Variants in RAB11FIP2 observed in about 807,000 individuals in gnomAD.
RAB11FIP2 encodes rab11 family-interacting protein 2.
In RAB11FIP2, 16 loss-of-function variants were observed where a neutral mutation model predicts 40.9. The observed-to-expected ratio is 0.39, with a 90% CI of 0.26 to 0.59. The LOEUF (loss-of-function observed/expected upper bound fraction) is 0.59. Among genes scored for constraint, RAB11FIP2 ranks in the 20% least tolerant of loss-of-function variants. The pLI is 0.53. For synonymous variants in RAB11FIP2, 228 were observed against 213.7 expected, an observed-to-expected ratio of 1.07 and a Z score of -0.58; for missense variants, 532 against 606.2, an observed-to-expected ratio of 0.88 and a Z score of 1.28.
chr10:118,005,193 A>C lies in RAB11FIP2; in HGVS notation c.*3805T>G, dbSNP rs374423591. ...GCAGCATTTTTTTGTACCTCAAAAC[A>C]CAAACCATCTGGAAGCTTCGAAGAC... On this transcript the variant is annotated 3_prime_UTR_variant, in exon 5 of 5. Transcript: ENST00000355624. The C allele has an allele frequency of 6.5e-6, 1 of 152,678 alleles. No homozygotes were observed. The highest frequency in any genetic ancestry group is 2.4e-5 in the African/African-American group (1 of 41,470). The allele number at this position is 152,678 out of a possible 1,614,324, so 9.5% of individuals were successfully genotyped here.
intron 4 of RAB11FIP2, among the ~76,000 whole-genome samples, chr10:118,013,283 T>C (rs1846178358): frequency 1.3e-5 from 2 of 152,038 alleles, no homozygotes; most frequent in Non-Finnish European, 2.9e-5. Context: ...TGAGGAACTT[T>C]GCTCTGGGAA....
In RAB11FIP2 at chr10:118,040,201, T is replaced by C; in HGVS notation, c.718A>G (p.Lys240Glu). ...DLSGSHMSSEKLKAGTIGQTH... is the reference protein window; with the variant it reads ...DLSGSHMSSEELKAGTIGQTH... ...TGACCTATGGTGCCAGCCTTCAGTT[T>C]CTCAGAAGACATATGGGACCCAGAT... is the stretch of plus-strand genomic sequence containing the variant. The change falls in exon 2 of 5, where the codon AAA becomes GAA. Residue 240 changes from lysine (K) to glutamate (E), a missense_variant. By Grantham distance (56) the Lys-to-Glu change is moderately conservative. Coordinates refer to ENST00000355624, the MANE Select transcript of RAB11FIP2 (RefSeq NM_014904.3). 1 of 1,613,860 alleles carries C rather than the reference T, an allele frequency of 6.2e-7. No individual in the cohort carries two copies. Among genetic ancestry groups the C allele is most frequent in the South Asian group, 1.1e-5 (1 of 91,078 alleles).
At chr10:118,032,482 C>T (rs1715540653) in intron 3 of RAB11FIP2, among the ~76,000 whole-genome samples, 1 of 152,070 alleles carries the variant, frequency 6.6e-6, no homozygotes, top group African/African-American at 2.4e-5. Flanking sequence ...TTTAGCCAAG[C>T]TAACTTCCTT....
Position 118,009,243 on chromosome 10 carries a change from CTG to C in RAB11FIP2, c.1312-20_1312-19del. On this transcript the variant is annotated intron_variant, in intron 4 of 4. Coordinates refer to ENST00000355624, the MANE Select transcript of RAB11FIP2 (RefSeq NM_014904.3). The stretch of plus-strand genomic sequence containing the variant: ...TTGCTGTCCTAGAACAGGATAAAGA[CTG>C]TCACTTTCATAGATATAACATCTGG... The C allele has an allele frequency of 6.3e-7, 1 of 1,577,970 alleles. No individual in the cohort carries two copies.
rs1846658020 is a variant in RAB11FIP2, at chr10:118,046,937, A to G, written c.-774T>C. The G allele has an allele frequency of 6.5e-6, 1 of 153,076 alleles. No individual in the cohort carries two copies. The highest frequency in any genetic ancestry group is 1.5e-5 in the Non-Finnish European group (1 of 68,546). The allele number at this position is 153,076 out of a possible 1,614,324, so 9.5% of individuals were successfully genotyped here. On this transcript the variant is annotated 5_prime_UTR_variant, in exon 1 of 5. Coordinates refer to ENST00000355624, the MANE Select transcript of RAB11FIP2 (RefSeq NM_014904.3). ...TGGCCTTCTCCATGTTGGTCTCGGG[A>G]ACGTGAAGGGGCGGGGCCTCGAGGT...
At chr10:118,012,647 A>T (rs926556666) in intron 4 of RAB11FIP2, among the ~76,000 whole-genome samples, 2 of 151,964 alleles carry the variant, frequency 1.3e-5, no homozygotes, top group African/African-American at 4.8e-5. Context: ...TAGAGAGGAA[A>T]ACTCTCAGGT....
chr10:118,031,297 C>T (rs1486693520), intron 3 of RAB11FIP2, among the ~76,000 whole-genome samples: 1 of 152,032 alleles, frequency 6.6e-6, no homozygotes, highest in Non-Finnish European at 1.5e-5. Context: ...TAAAAACTAT[C>T]AATAGGCTCT....
At chr10:118,024,191 A>C (rs1198357782) in intron 3 of RAB11FIP2, among the ~76,000 whole-genome samples, 1 of 152,044 alleles carries the variant, frequency 6.6e-6, no homozygotes. Context: ...AAAGTTCTCC[A>C]TTCCTTTAAA....
rs1017798378 is a variant in RAB11FIP2 at position 118,011,394 on chromosome 10, C to T, written c.1312-2169G>A. ...TTTTATAAGTCTACACACATGCGCA[C>T]ACACACACACACACTCTCATGCACG... is the stretch of plus-strand genomic sequence containing the variant. On this transcript the variant is annotated intron_variant, in intron 4 of 4. Transcript: ENST00000355624. Among the ~76,000 whole-genome samples the T allele has an allele frequency of 3.3e-5, 5 of 151,442 alleles. No homozygotes were observed. In the East Asian group the frequency reaches 9.7e-4, roughly 29 times the overall value.
intron 3 of RAB11FIP2, among the ~76,000 whole-genome samples, chr10:118,020,263 T>C (rs1034120678): frequency 5.9e-5 from 9 of 152,230 alleles, no homozygotes; most frequent in African/African-American, 1.7e-4. Flanking sequence ...TCAGTTCTAC[T>C]GTGAGCTCAC....
At chr10:118,032,592 T>C (rs1014840019) in intron 3 of RAB11FIP2, among the ~76,000 whole-genome samples, 1 of 152,120 alleles carries the variant, frequency 6.6e-6, no homozygotes, top group African/African-American at 2.4e-5. Context: ...CTGATCTCCA[T>C]TCACAGTGAA....
At chr10:118,035,601 G>C (rs1273216166) in intron 3 of RAB11FIP2, among the ~76,000 whole-genome samples, 2 of 152,120 alleles carry the variant, frequency 1.3e-5, no homozygotes, top group Admixed American at 1.3e-4. Flanking sequence ...CTGCTATACT[G>C]TGTGCGTTTA....
In RAB11FIP2 at chr10:118,046,780, G is replaced by T; in HGVS notation, c.-617C>A. 6.6e-6 allele frequency: 1 copy of T among 152,328 alleles called. No individual in the cohort carries two copies. Among genetic ancestry groups the T allele is most frequent in the South Asian group, 2.1e-4 (1 of 4,844 alleles). 9.4% of individuals were successfully genotyped at this position (152,328 alleles called of 1,614,324 possible). The stretch of plus-strand genomic sequence containing the variant: ...CCAGGGGTGGAGTGGGGGAGGGCGG[G>T]GAACGCGGCCGCCCCGGCGCCGGCG... On this transcript the variant is annotated 5_prime_UTR_variant, in exon 1 of 5. Transcript: ENST00000355624.
At position 118,027,760 on chromosome 10, in the gene RAB11FIP2, T is replaced by C. The variant is rs557012233; in HGVS notation, c.1265+11212A>G. ...TACTAAGCTGTTAATAAACAGCTAA[T>C]GATATAATAGTATTTAGTCACTTTT... On this transcript the variant is annotated intron_variant, in intron 3 of 4. Transcript: ENST00000355624. Among the ~76,000 whole-genome samples, 3 of 152,308 alleles carry C rather than the reference T, an allele frequency of 2.0e-5. No homozygotes were observed. The South Asian group carries it at 6.2e-4, about 32-fold the overall frequency.
rs1465266895 is a variant in RAB11FIP2 at position 118,006,184 on chromosome 10, G to A, written c.*2814C>T. 6.6e-6 allele frequency: 1 copy of A among 152,532 alleles called. No individual in the cohort carries two copies. The highest frequency in any genetic ancestry group is 1.5e-5 in the Non-Finnish European group (1 of 68,018). 9.4% of individuals were successfully genotyped at this position (152,532 alleles called of 1,614,324 possible). A position where few individuals can be genotyped will look rare whatever the true frequency, so the allele number is the denominator to read the frequency against. On this transcript the variant is annotated 3_prime_UTR_variant, in exon 5 of 5. Transcript: ENST00000355624. ...AACTTGAAGCGTAAGTGGTAGGAAG[G>A]TATGTTCAATATTTTTAAAGCTGAA...
chr10:118,044,226 G>C (rs1207056996), intron 1 of RAB11FIP2, among the ~76,000 whole-genome samples: 1 of 152,148 alleles, frequency 6.6e-6, no homozygotes, highest in African/African-American at 2.4e-5. Flanking sequence ...TTCACATTTG[G>C]TCCTACTTTC....
At chr10:118,034,889 G>A (rs982192442) in intron 3 of RAB11FIP2, among the ~76,000 whole-genome samples, 6 of 152,112 alleles carry the variant, frequency 3.9e-5, no homozygotes, top group African/African-American at 1.4e-4. Flanking sequence ...AGGCATCAAT[G>A]GCACACACAA....
At chr10:118,021,160 A>C (rs1428044254) in intron 3 of RAB11FIP2, among the ~76,000 whole-genome samples, 3 of 152,172 alleles carry the variant, frequency 2.0e-5, no homozygotes, top group Non-Finnish European at 4.4e-5. Context: ...CTTGTGTTCA[A>C]AATTATTTTC....
intron 3 of RAB11FIP2, chr10:118,034,090 C>A: frequency 1.4e-6 from 1 of 697,666 alleles, no homozygotes; most frequent in South Asian, 1.5e-5. Flanking sequence ...GCCATATGGT[C>A]TCTGTCACAA....
Sources: allele counts gnomAD v4.1 joint callset (sites outside exome capture counted in the v4.1 genomes callset), GRCh38; gene constraint gnomAD v4.1.1; transcripts MANE v1.5; gene names NCBI Gene and HGNC (gene_info 2026-07-23, HGNC 2026-07-21).